SLC25A12: variants seen among roughly 807,000 people sequenced by gnomAD.
The protein encoded by SLC25A12 is electrogenic aspartate/glutamate antiporter SLC25A12, mitochondrial.
A neutral mutation model predicts 83.3 loss-of-function variants in SLC25A12; 32 were observed. That is an observed-to-expected ratio of 0.38 (90% confidence interval 0.29 to 0.52). The LOEUF is 0.52. Ranked by LOEUF, SLC25A12 falls within the 20% of genes least tolerant of loss-of-function variation. SLC25A12 has a pLI of 0.84. For missense variants in SLC25A12, 611 were observed against 835.6 expected (o/e 0.73, Z 3.31); for synonymous variants, 267 against 291.1 (o/e 0.92, Z 0.84).
intron 2 of SLC25A12, among the ~76,000 whole-genome samples, chr2:171,892,113 C>T (rs962842672): frequency 1.3e-5 from 2 of 152,210 alleles, no homozygotes; most frequent in African/African-American, 4.8e-5. Flanking sequence ...CAGCAGGGAC[C>T]TGCCCAAGGT....
intron 3 of SLC25A12, among the ~76,000 whole-genome samples, chr2:171,861,876 G>A (rs1173438778): frequency 6.6e-6 from 1 of 152,132 alleles, no homozygotes; most frequent in East Asian, 1.9e-4. Flanking sequence ...TTGTAATGGG[G>A]ATAAGGAGGT....
intron 8 of SLC25A12, among the ~76,000 whole-genome samples, chr2:171,829,454 C>T (rs1170342509): frequency 6.6e-6 from 1 of 152,088 alleles, no homozygotes; most frequent in Non-Finnish European, 1.5e-5. Flanking sequence ...GGCAACCACC[C>T]CCATATAACC....
intron 3 of SLC25A12, among the ~76,000 whole-genome samples, chr2:171,861,644 G>A (rs1201700713): frequency 6.6e-6 from 1 of 152,168 alleles, no homozygotes; most frequent in Non-Finnish European, 1.5e-5. Context: ...CTAGCCTCAG[G>A]AGATCCTCCT....
At chr2:171,882,176 T>A (rs1271256465) in intron 2 of SLC25A12, among the ~76,000 whole-genome samples, 2 of 152,112 alleles carry the variant, frequency 1.3e-5, no homozygotes, top group Non-Finnish European at 2.9e-5. Flanking sequence ...CATAAACAGT[T>A]CTTGGTTTTA....
chr2:171,787,783 G>C lies in SLC25A12; in HGVS notation c.1744+6C>G. ...GCCATTCTGTATGGCTCCAGCCCCT[G>C]CCTACCTGCAGTCCCTTTCCAAAAT... On this transcript the variant is annotated splice_donor_region_variant and intron_variant, in intron 16 of 17. Coordinates refer to ENST00000422440, the MANE Select transcript of SLC25A12 (RefSeq NM_003705.5). 6.2e-7 allele frequency: 1 copy of C among 1,614,168 alleles called. No homozygotes were observed. Among genetic ancestry groups the C allele is most frequent in the Non-Finnish European group, 8.5e-7 (1 of 1,179,992 alleles).
intron 1 of SLC25A12, 66 bp from the exon 2 acceptor site, chr2:171,893,324 T>A: frequency 1.5e-6 from 2 of 1,335,364 alleles, no homozygotes; most frequent in South Asian, 2.3e-5. Context: ...CTCTTCAGAT[T>A]AGAGGTCACA....
chr2:171,824,379 G>C (rs1684256248), intron 9 of SLC25A12, among the ~76,000 whole-genome samples: 1 of 152,140 alleles, frequency 6.6e-6, no homozygotes, highest in Non-Finnish European at 1.5e-5. Context: ...AATTGCTAGG[G>C]GCAAGAGAGG....
At chr2:171,799,165 C>T (rs1481840589) in intron 13 of SLC25A12, among the ~76,000 whole-genome samples, 2 of 152,186 alleles carry the variant, frequency 1.3e-5, no homozygotes, top group Non-Finnish European at 2.9e-5. Flanking sequence ...TCTTGAACTT[C>T]CAGCCTCCAG....
intron 13 of SLC25A12, among the ~76,000 whole-genome samples, chr2:171,808,694 C>T (rs999798305): frequency 3.9e-5 from 6 of 152,030 alleles, no homozygotes; most frequent in Admixed American, 2.6e-4. Flanking sequence ...GATGAAAATG[C>T]CACCTCTTTT....
intron 2 of SLC25A12, among the ~76,000 whole-genome samples, chr2:171,885,082 G>A (rs1246330529): frequency 5.3e-5 from 8 of 151,226 alleles, no homozygotes; most frequent in African/African-American, 7.3e-5. Flanking sequence ...GCGTGGTGGC[G>A]GGCGCCTGTA....
At position 171,855,953 on chromosome 2, in the gene SLC25A12, G is replaced by A; in HGVS notation, c.210-4C>T. The A allele has an allele frequency of 6.5e-7, 1 of 1,527,504 alleles. No homozygotes were observed. Among genetic ancestry groups the A allele is most frequent in the South Asian group, 1.1e-5 (1 of 89,260 alleles). The allele number at this position is 1,527,504 out of a possible 1,614,324, so 94.6% of individuals were successfully genotyped here. Reference sequence around the variant, plus strand: ...AAACTCTTGATAGGAGATCAACCTGGAATAAAATATAAAACGTCATTGGCT... The same window carrying A: ...AAACTCTTGATAGGAGATCAACCTGAAATAAAATATAAAACGTCATTGGCT... On this transcript the variant is annotated splice_polypyrimidine_tract_variant and splice_region_variant and intron_variant, in intron 3 of 17. Transcript: ENST00000422440.
chr2:171,862,104 G>C (rs181403518), intron 3 of SLC25A12, among the ~76,000 whole-genome samples: 3 of 152,064 alleles, frequency 2.0e-5, no homozygotes, highest in South Asian at 2.1e-4. Flanking sequence ...TGCATAAAAG[G>C]TTCCTCTATA....
intron 6 of SLC25A12, 68 bp downstream of exon 6, chr2:171,837,053 C>T (rs1254160151): frequency 1.0e-5 from 15 of 1,494,728 alleles, no homozygotes; most frequent in African/African-American, 2.8e-5. Context: ...TCCCTGGAGG[C>T]AATCCAGGAC....
At chr2:171,786,403 AAG>A (rs1198385556) in intron 17 of SLC25A12, among the ~76,000 whole-genome samples, 3 of 146,350 alleles carry the variant, frequency 2.0e-5, no homozygotes, top group African/African-American at 5.0e-5. Flanking sequence ...AAAAAAAAAA[AAG>A]AGAGAGAGAG....
chr2:171,863,386 C>T (rs962149864), intron 3 of SLC25A12, among the ~76,000 whole-genome samples: 1 of 152,034 alleles, frequency 6.6e-6, no homozygotes, highest in African/African-American at 2.4e-5. Context: ...ATTAGCCAAG[C>T]ATGGTGGCAT....
chr2:171,787,983 T>C lies in SLC25A12; in HGVS notation c.1586-36A>G, dbSNP rs768578441. On this transcript the variant is annotated intron_variant, in intron 15 of 17. Transcript: ENST00000422440. Reference sequence around the variant, plus strand: ...AAAACCACATTTAATTTATCTAGAGTACCTTATAAAAGATAGGAATACTGC... The same window carrying C: ...AAAACCACATTTAATTTATCTAGAGCACCTTATAAAAGATAGGAATACTGC... The C allele has an allele frequency of 2.2e-5, 36 of 1,607,522 alleles. 1 individual carries two copies. The South Asian group carries it at 3.3e-4, about 15-fold the overall frequency.
rs200226405 is a variant in SLC25A12, at chr2:171,803,835, G to A, written c.1305+5771C>T. Among the ~76,000 whole-genome samples, 243 of 116,572 alleles carry A rather than the reference G, an allele frequency of 2.1e-3. 2 individuals are homozygous for A. The highest frequency in any genetic ancestry group is 0.02 in the East Asian group (65 of 3,294). The allele number at this position is 116,572 out of a possible 152,430, so 76.5% of individuals were successfully genotyped here. A position where few individuals can be genotyped will look rare whatever the true frequency, so the allele number is the denominator to read the frequency against. On this transcript the variant is annotated intron_variant, in intron 13 of 17. Coordinates refer to ENST00000422440, the MANE Select transcript of SLC25A12 (RefSeq NM_003705.5). ...TACACACACACACACACACACACGC[G>A]CGCACACACATACTAGCAAAGATGT...
At chr2:171,795,219 G>T (rs780794062) in intron 13 of SLC25A12, among the ~76,000 whole-genome samples, 1 of 152,118 alleles carries the variant, frequency 6.6e-6, no homozygotes, top group African/African-American at 2.4e-5. Flanking sequence ...TCTCTCTCAT[G>T]GTTTCCTCTA....
At chr2:171,874,682 T>C (rs1278463954) in intron 2 of SLC25A12, among the ~76,000 whole-genome samples, 2 of 152,176 alleles carry the variant, frequency 1.3e-5, no homozygotes, top group Non-Finnish European at 1.5e-5. Context: ...ATCTACTTCA[T>C]AGAATACTAT....
Sources: gnomAD v4.1 joint callset for allele counts (sites outside exome capture counted in the v4.1 genomes callset) on GRCh38, gnomAD v4.1.1 for gene constraint, MANE v1.5 for transcripts, NCBI Gene and HGNC (gene_info 2026-07-23, HGNC 2026-07-21) for gene names.